SV2C: variants seen among roughly 807,000 people sequenced by gnomAD.
The protein encoded by SV2C is solute carrier family 22 member B3.
In SV2C, 49 loss-of-function variants were observed where a neutral mutation model predicts 79.7. The observed-to-expected ratio is 0.61, with a 90% CI of 0.49 to 0.78. SV2C has a LOEUF of 0.78. SV2C is among the 30% of genes least tolerant of loss of function. SV2C has a pLI of 0.00. For synonymous variants in SV2C, 334 were observed against 333.2 expected, an observed-to-expected ratio of 1.00 and a Z score of -0.03; for missense variants, 833 against 912.9, an observed-to-expected ratio of 0.91 and a Z score of 1.13.
intron 1 of SV2C, among the ~76,000 whole-genome samples, chr5:76,089,406 A>G (rs983860054): frequency 6.6e-6 from 1 of 152,090 alleles, no homozygotes; most frequent in African/African-American, 2.4e-5. Context: ...TATGTACCAC[A>G]TTTTCTATAT....
chr5:76,008,076 G>T, the SV2C span, among the ~76,000 whole-genome samples: 4 of 152,134 alleles, frequency 2.6e-5, no homozygotes. Flanking sequence ...AGTTTCAGCA[G>T]AGTCAAAAGC....
intron 12 of SV2C, among the ~76,000 whole-genome samples, chr5:76,319,424 A>G (rs1378290222): frequency 2.6e-5 from 4 of 152,220 alleles, no homozygotes; most frequent in African/African-American, 4.8e-5. Flanking sequence ...TCTCAAAAAA[A>G]AAGAAAAAAA....
At chr5:75,928,802 C>T in the SV2C span, among the ~76,000 whole-genome samples, 1 of 152,112 alleles carries the variant, frequency 6.6e-6, no homozygotes, top group African/African-American at 2.4e-5. Flanking sequence ...CTCCATCTTC[C>T]ACTCCCCAGA....
the SV2C span, among the ~76,000 whole-genome samples, chr5:75,969,709 C>T: frequency 6.6e-6 from 1 of 152,034 alleles, no homozygotes; most frequent in African/African-American, 2.4e-5. Flanking sequence ...CTTAGACTCC[C>T]ACTCAATAAT....
chr5:75,965,398 G>C, the SV2C span, among the ~76,000 whole-genome samples: 1 of 152,162 alleles, frequency 6.6e-6, no homozygotes, highest in African/African-American at 2.4e-5. Flanking sequence ...GAGGTGATTA[G>C]GTCATTAGGG....
At chr5:76,229,571 T>C (rs10942760) in intron 4 of SV2C, among the ~76,000 whole-genome samples, 46,087 of 152,172 alleles carry the variant, frequency 0.3, 7,618 homozygotes, top group Non-Finnish European at 0.37. Flanking sequence ...TCTTTGTCAC[T>C]TTCTGATGAA....
intron 4 of SV2C, among the ~76,000 whole-genome samples, chr5:76,276,056 T>C (rs1049795875): frequency 3.9e-5 from 6 of 152,252 alleles, no homozygotes; most frequent in African/African-American, 1.4e-4. Flanking sequence ...TGTGGCTTGT[T>C]TTCCCATTCC....
intron 12 of SV2C, among the ~76,000 whole-genome samples, chr5:76,315,623 G>A (rs1580065643): frequency 1.3e-5 from 2 of 152,210 alleles, no homozygotes; most frequent in African/African-American, 2.4e-5. Context: ...TTGGAGGGGA[G>A]TGGGAAGGGT....
the SV2C span, among the ~76,000 whole-genome samples, chr5:75,899,418 A>G: frequency 3.1e-4 from 47 of 152,158 alleles, no homozygotes; most frequent in Non-Finnish European, 5.9e-4. Context: ...GTTTGATTGC[A>G]CTGTGGTCTG....
chr5:76,045,617 A>T, the SV2C span, among the ~76,000 whole-genome samples: 1 of 152,190 alleles, frequency 6.6e-6, no homozygotes, highest in East Asian at 1.9e-4. Context: ...CACATAAATT[A>T]ATCTATTATG....
intron 2 of SV2C, among the ~76,000 whole-genome samples, chr5:76,147,434 T>G (rs1308811093): frequency 6.6e-6 from 1 of 152,060 alleles, no homozygotes; most frequent in Non-Finnish European, 1.5e-5. Flanking sequence ...TTCACAGGAA[T>G]CAGGATGCAT....
the SV2C span, among the ~76,000 whole-genome samples, chr5:76,027,382 C>CT: frequency 1.0e-3 from 153 of 151,110 alleles, no homozygotes; most frequent in African/African-American, 2.6e-3. Flanking sequence ...TTTTATTATC[C>CT]TTTTTTTTTG....
intron 2 of SV2C, among the ~76,000 whole-genome samples, chr5:76,142,101 C>T (rs6860159): frequency 0.41 from 62,034 of 151,862 alleles, 14,745 homozygotes; most frequent in Non-Finnish European, 0.55. Flanking sequence ...TTCATCTTAA[C>T]GAATTAGTCT....
At chr5:75,857,946 T>C in the SV2C span, among the ~76,000 whole-genome samples, 2 of 152,244 alleles carry the variant, frequency 1.3e-5, no homozygotes, top group Admixed American at 6.5e-5. Flanking sequence ...CATTTTTGTA[T>C]GTTGATTTTG....
At chr5:75,874,411 A>G in the SV2C span, among the ~76,000 whole-genome samples, 2 of 152,208 alleles carry the variant, frequency 1.3e-5, no homozygotes, top group Admixed American at 6.5e-5. Flanking sequence ...ATACCTCAAA[A>G]TAATAACAGC....
At chr5:75,911,790 C>G in the SV2C span, 1 of 587,884 alleles carries the variant, frequency 1.7e-6, no homozygotes, top group East Asian at 4.3e-5. Flanking sequence ...AGCTTTAAGT[C>G]TCCACAGTAC....
chr5:76,257,666 C>T (rs966953415), intron 4 of SV2C, among the ~76,000 whole-genome samples: 15 of 141,742 alleles, frequency 1.1e-4, no homozygotes, highest in African/African-American at 3.7e-4. Context: ...GGAAGTGTGG[C>T]GTGTGTGTGG....
chr5:76,011,854 T>C, the SV2C span, among the ~76,000 whole-genome samples: 1 of 152,190 alleles, frequency 6.6e-6, no homozygotes, highest in East Asian at 1.9e-4. Flanking sequence ...AGTGAGAATA[T>C]GTGGTGTTTG....
At chr5:75,875,733 A>G in the SV2C span, among the ~76,000 whole-genome samples, 3 of 152,154 alleles carry the variant, frequency 2.0e-5, no homozygotes, top group Non-Finnish European at 4.4e-5. Flanking sequence ...TACAAGAAAA[A>G]CAGACAACCC....
Sources: gnomAD v4.1 joint callset for allele counts (sites outside exome capture counted in the v4.1 genomes callset) on GRCh38, gnomAD v4.1.1 for gene constraint, MANE v1.5 for transcripts, NCBI Gene and HGNC (gene_info 2026-07-23, HGNC 2026-07-21) for gene names.